Variants in COL4A6 observed in about 807,000 individuals in gnomAD.
COL4A6 encodes the protein collagen alpha-6(IV) chain.
Under a neutral mutation model 126.7 loss-of-function variants are expected in COL4A6, and 59 were observed. The observed-to-expected ratio is 0.47, with a 90% CI of 0.38 to 0.58. COL4A6 has a LOEUF of 0.58. COL4A6 is among the 20% of genes least tolerant of loss of function. The probability of loss-of-function intolerance (pLI) is 0.00; values close to 1 mark genes in which losing one functional copy is unlikely to be tolerated. For synonymous variants in COL4A6, 547 were observed against 496.6 expected (o/e 1.10, Z -1.35); for missense variants, 1,285 against 1,337.3 (o/e 0.96, Z 0.61).
At chrX:108,387,557 A>G (rs1227533179) in intron 2 of COL4A6, among the ~76,000 whole-genome samples, 1 of 111,842 alleles carries the variant, frequency 8.9e-6, no homozygotes, top group African/African-American at 3.2e-5. Context: ...ATTTTTGCAC[A>G]TTGATTTTGT....
intron 2 of COL4A6, among the ~76,000 whole-genome samples, chrX:108,434,049 T>C (rs768945979): frequency 1.8e-5 from 2 of 112,169 alleles, no homozygotes; most frequent in South Asian, 3.7e-4. Context: ...CAGTATACTT[T>C]ACTCCAGTCA....
chrX:108,174,858 G>A (rs1024418374), intron 30 of COL4A6, among the ~76,000 whole-genome samples: 3 of 111,322 alleles, frequency 2.7e-5, no homozygotes, highest in Non-Finnish European at 5.7e-5. Context: ...ACCACTGCCT[G>A]TGGTTGAAAA....
At chrX:108,185,977 T>C (rs1305940479) in intron 23 of COL4A6, among the ~76,000 whole-genome samples, 1 of 111,724 alleles carries the variant, frequency 9.0e-6, no homozygotes, top group Non-Finnish European at 1.9e-5. Context: ...AGTGAACATA[T>C]TGTGTTTGGG....
At chrX:108,177,634 C>T (rs1193322353) in intron 27 of COL4A6, among the ~76,000 whole-genome samples, 2 of 112,136 alleles carry the variant, frequency 1.8e-5, no homozygotes, top group African/African-American at 6.5e-5. Flanking sequence ...TAAAGTTGGT[C>T]AATGGGATTA....
intron 2 of COL4A6, among the ~76,000 whole-genome samples, chrX:108,433,775 C>T (rs1451069339): frequency 4.5e-5 from 5 of 111,339 alleles, no homozygotes; most frequent in African/African-American, 1.6e-4. Flanking sequence ...CCACCTACCT[C>T]GGCCTCCCAA....
At chrX:108,360,375 T>C (rs1304832981) in intron 2 of COL4A6, among the ~76,000 whole-genome samples, 2 of 111,859 alleles carry the variant, frequency 1.8e-5, no homozygotes, top group Non-Finnish European at 3.8e-5. Flanking sequence ...GAGACAAGAA[T>C]GACTCACTTG....
chrX:108,159,585 G>A lies in COL4A6; in HGVS notation c.4689C>T (p.Tyr1563=). The A allele has an allele frequency of 8.2e-7, 1 of 1,212,431 alleles. No homozygotes were observed. The highest frequency in any genetic ancestry group is 1.1e-6 in the Non-Finnish European group (1 of 895,635). Residue 1563 remains tyrosine (Y), a synonymous_variant, in exon 44 of 45, where the codon TAC becomes TAT. Transcript: ENST00000334504. ...MPVSQTQIPQ[Y]ISRCSVCEAP... ...CCTCACACACAGAGCAGCGGCTGAT[G>A]TACTGGGGAATCTGGGTCTGGCTGA...
At chrX:108,297,171 A>G (rs2038350396) in intron 3 of COL4A6, among the ~76,000 whole-genome samples, 1 of 111,883 alleles carries the variant, frequency 8.9e-6, no homozygotes, top group African/African-American at 3.2e-5. Context: ...GAGATGGTGG[A>G]GTTAAGGGAG....
At position 108,196,498 on chromosome X, in the gene COL4A6, T is replaced by A; in HGVS notation, c.903+13A>T. The A allele has an allele frequency of 8.3e-7, 1 of 1,200,081 alleles. No individual in the cohort carries two copies. The highest frequency in any genetic ancestry group is 1.1e-6 in the Non-Finnish European group (1 of 885,620). ...CTTGACAGACCCAGGCAAGTAACATTCGAGGTTCATACCCTAGGTCCTGGC... is the reference window on the plus strand; with the variant it reads ...CTTGACAGACCCAGGCAAGTAACATACGAGGTTCATACCCTAGGTCCTGGC... On this transcript the variant is annotated intron_variant, in intron 14 of 44. Coordinates refer to ENST00000334504, the MANE Select transcript of COL4A6 (RefSeq NM_033641.4).
chrX:108,295,258 C>T (rs1361884257), intron 3 of COL4A6, among the ~76,000 whole-genome samples: 2 of 111,928 alleles, frequency 1.8e-5, no homozygotes, highest in African/African-American at 3.2e-5. Flanking sequence ...AGCTGGGTCA[C>T]CTTTCCAGAA....
chrX:108,350,246 A>G (rs181837981), intron 2 of COL4A6, among the ~76,000 whole-genome samples: 16 of 112,058 alleles, frequency 1.4e-4, no homozygotes, highest in Non-Finnish European at 1.9e-4. Context: ...ATAATTTTCT[A>G]CCAAAATTAG....
At chrX:108,390,521 T>G (rs1176965991) in intron 2 of COL4A6, among the ~76,000 whole-genome samples, 1 of 108,613 alleles carries the variant, frequency 9.2e-6, no homozygotes, top group Non-Finnish European at 1.9e-5. Flanking sequence ...TTGATCATTC[T>G]GGCTGTTGAT....
intron 27 of COL4A6, 89 bp downstream of exon 27, chrX:108,178,594 TC>T: frequency 2.2e-6 from 2 of 927,015 alleles, no homozygotes; most frequent in Non-Finnish European, 3.0e-6. Context: ...TCTGACCATG[TC>T]CCACTACTGC....
Position 108,219,762 on chromosome X carries a change from G to A in COL4A6, c.280-20C>T. ...GGGACCCTAAAAAAAGGAGTAGGGAGAGGAATGTAAGACACAATCCAACTG... is the reference window on the plus strand; with the variant it reads ...GGGACCCTAAAAAAAGGAGTAGGGAAAGGAATGTAAGACACAATCCAACTG... On this transcript the variant is annotated intron_variant, in intron 4 of 44. Transcript: ENST00000334504. 8.4e-7 allele frequency: 1 copy of A among 1,184,233 alleles called. No homozygotes were observed. The highest frequency in any genetic ancestry group is 1.1e-6 in the Non-Finnish European group (1 of 871,103).
intron 2 of COL4A6, among the ~76,000 whole-genome samples, chrX:108,361,942 T>C (rs1251528130): frequency 8.9e-6 from 1 of 112,068 alleles, no homozygotes; most frequent in Non-Finnish European, 1.9e-5. Context: ...AGGCACACTA[T>C]TAATAATGTA....
rs138922331 is a variant in COL4A6, at chrX:108,159,624, G to T, written c.4650C>A (p.Ile1550=). ...KSYWLSTTAP[I]PMMPVSQTQI... ...GGGTCTGGCTGACGGGCATCATGGG[G>T]ATAGGGGCGGTAGTGGAGAGCCAGT... Residue 1550 remains isoleucine, a synonymous_variant, in exon 44 of 45, where the codon ATC becomes ATA. Coordinates refer to ENST00000334504, the MANE Select transcript of COL4A6 (RefSeq NM_033641.4). 5.8e-6 allele frequency: 7 copies of T among 1,210,994 alleles called. No homozygotes were observed. The highest frequency in any genetic ancestry group is 7.8e-6 in the Non-Finnish European group (7 of 895,492).
At chrX:108,253,641 C>A (rs139644230) in intron 3 of COL4A6, among the ~76,000 whole-genome samples, 4 of 111,554 alleles carry the variant, frequency 3.6e-5, no homozygotes, top group African/African-American at 1.3e-4. Context: ...AATCCTAGAG[C>A]CCTGTGTAGG....
In COL4A6 at chrX:108,187,077, A is replaced by G. The variant is rs750622504; in HGVS notation, c.1951+19T>C. ...GGGTCAAATTTCCAAGTCCAAAGCC[A>G]TCTGATTCTATGACTCACCCTTAGA... On this transcript the variant is annotated intron_variant, in intron 23 of 44. Transcript: ENST00000334504. The G allele has an allele frequency of 2.7e-6, 3 of 1,106,406 alleles. No individual in the cohort carries two copies. The highest frequency in any genetic ancestry group is 1.8e-5 in the African/African-American group (1 of 54,230). The allele number at this position is 1,106,406 out of a possible 1,213,427, so 91.2% of individuals were successfully genotyped here. A position where few individuals can be genotyped will look rare whatever the true frequency, so the allele number is the denominator to read the frequency against.
chrX:108,337,357 G>A (rs2039456593), intron 2 of COL4A6, among the ~76,000 whole-genome samples: 1 of 111,052 alleles, frequency 9.0e-6, no homozygotes, highest in African/African-American at 3.3e-5. Flanking sequence ...AAATACTTAG[G>A]ATGAGAGATC....
Sources: gnomAD v4.1 joint callset for allele counts (sites outside exome capture counted in the v4.1 genomes callset) on GRCh38, gnomAD v4.1.1 for gene constraint, MANE v1.5 for transcripts, NCBI Gene and HGNC (gene_info 2026-07-23, HGNC 2026-07-21) for gene names.